The following SUMF1 variants were observed in gnomAD, a reference collection of about 807,000 sequenced individuals.
SUMF1 encodes the protein formylglycine-generating enzyme.
In SUMF1, 48 loss-of-function variants were observed where a neutral mutation model predicts 47.6. The ratio of observed to expected loss-of-function variants is 1.01; its 90% CI spans 0.80 to 1.28. The LOEUF is 1.28. SUMF1 is among the 50% of genes most tolerant of loss of function. The probability of loss-of-function intolerance (pLI) is 0.00; values close to 1 mark genes in which losing one functional copy is unlikely to be tolerated. For synonymous variants in SUMF1, 230 were observed against 192.1 expected, an observed-to-expected ratio of 1.20 and a Z score of -1.63; for missense variants, 571 against 485.4, an observed-to-expected ratio of 1.18 and a Z score of -1.66.
At chr3:4,241,810 C>T (rs1391983491) in intron 8 of SUMF1, among the ~76,000 whole-genome samples, 1 of 152,062 alleles carries the variant, frequency 6.6e-6, no homozygotes, top group Non-Finnish European at 1.5e-5. Context: ...GGACTTCCGG[C>T]CCACAGTGGA....
chr3:4,411,353 AT>A (rs1298617777), intron 6 of SUMF1, among the ~76,000 whole-genome samples: 1 of 152,150 alleles, frequency 6.6e-6, no homozygotes, highest in East Asian at 1.9e-4. Flanking sequence ...TGGACCCAAT[AT>A]GAGTCTTGTC....
chr3:4,249,429 C>T (rs1236251131), intron 8 of SUMF1, among the ~76,000 whole-genome samples: 2 of 152,022 alleles, frequency 1.3e-5, no homozygotes, highest in African/African-American at 2.4e-5. Context: ...GTAATTCTCG[C>T]AATATTTCAA....
chr3:4,462,016 T>G (rs2079827007), intron 1 of SUMF1, among the ~76,000 whole-genome samples: 1 of 152,190 alleles, frequency 6.6e-6, no homozygotes, highest in South Asian at 2.1e-4. Context: ...ACTCTATTAT[T>G]CATTGGAATA....
chr3:4,170,028 A>G (rs1694798267), intron 8 of SUMF1, among the ~76,000 whole-genome samples: 1 of 152,202 alleles, frequency 6.6e-6, no homozygotes, highest in African/African-American at 2.4e-5. Flanking sequence ...TGAGAATGGA[A>G]TACAATAGGG....
chr3:4,101,281 T>C (rs1693026588), intron 8 of SUMF1, among the ~76,000 whole-genome samples: 1 of 152,114 alleles, frequency 6.6e-6, no homozygotes. Flanking sequence ...AAATGTGGTA[T>C]ATACACACAA....
chr3:4,233,616 T>C (rs1314497239), intron 8 of SUMF1, among the ~76,000 whole-genome samples: 4 of 152,092 alleles, frequency 2.6e-5, no homozygotes, highest in Admixed American at 2.6e-4. Flanking sequence ...AAGTATTCAA[T>C]TTAGAAAGGC....
intron 9 of SUMF1, among the ~76,000 whole-genome samples, chr3:4,054,397 C>T (rs190203713): frequency 2.6e-5 from 4 of 152,234 alleles, no homozygotes; most frequent in East Asian, 3.9e-4. Flanking sequence ...AAAATGAAAA[C>T]CTTGCTGACA....
chr3:4,157,497 C>T (rs867345453), intron 8 of SUMF1, among the ~76,000 whole-genome samples: 11 of 151,548 alleles, frequency 7.3e-5, no homozygotes, highest in Middle Eastern at 3.4e-3. Flanking sequence ...CAATAGTTCT[C>T]TTCTTAGTTT....
intron 3 of SUMF1, among the ~76,000 whole-genome samples, chr3:4,420,391 A>G (rs1416812719): frequency 7.8e-6 from 1 of 128,860 alleles, no homozygotes; most frequent in Non-Finnish European, 1.6e-5. Context: ...GTGTATATCT[A>G]TAAGAATTTT....
chr3:4,362,297 C>G (rs1381601612), intron 8 of SUMF1, 43 bp from the exon 9 acceptor site: 1 of 1,544,198 alleles, frequency 6.5e-7, no homozygotes, highest in South Asian at 1.1e-5. Flanking sequence ...CTGGGACTCT[C>G]AGCTGAAGGC....
intron 8 of SUMF1, among the ~76,000 whole-genome samples, chr3:4,095,539 T>C (rs1019705727): frequency 3.9e-5 from 6 of 152,242 alleles, no homozygotes; most frequent in Middle Eastern, 3.4e-3. Context: ...AGGAGAAACA[T>C]TGATGTTTTC....
At chr3:4,439,436 G>A (rs763449671) in intron 3 of SUMF1, among the ~76,000 whole-genome samples, 6 of 152,084 alleles carry the variant, frequency 3.9e-5, no homozygotes, top group Non-Finnish European at 7.4e-5. Flanking sequence ...AGAGGTGGGA[G>A]GATGGCTTGA....
chr3:4,230,074 T>A (rs1463031891), intron 8 of SUMF1, among the ~76,000 whole-genome samples: 1 of 152,092 alleles, frequency 6.6e-6, no homozygotes, highest in Non-Finnish European at 1.5e-5. Context: ...GATAGTTTTT[T>A]TTTTTTAGAT....
At chr3:4,261,578 T>A (rs1429704188) in intron 8 of SUMF1, among the ~76,000 whole-genome samples, 1 of 152,236 alleles carries the variant, frequency 6.6e-6, no homozygotes, top group Non-Finnish European at 1.5e-5. Context: ...CATTTTCTGT[T>A]GGCTTAGGTG....
intron 8 of SUMF1, among the ~76,000 whole-genome samples, chr3:4,242,830 A>G (rs1346807705): frequency 1.3e-5 from 2 of 152,166 alleles, no homozygotes; most frequent in Non-Finnish European, 2.9e-5. Flanking sequence ...ATTGATTGGA[A>G]TAGTTTTCTG....
intron 9 of SUMF1, among the ~76,000 whole-genome samples, chr3:4,067,850 C>G (rs1695413999): frequency 6.6e-6 from 1 of 152,084 alleles, no homozygotes; most frequent in Non-Finnish European, 1.5e-5. Flanking sequence ...TAGGTCATCC[C>G]CCCAGAGCAC....
At chr3:4,088,554 T>C (rs141445446) in intron 8 of SUMF1, among the ~76,000 whole-genome samples, 3 of 152,208 alleles carry the variant, frequency 2.0e-5, no homozygotes, top group East Asian at 1.9e-4. Flanking sequence ...ATTTTGTCTA[T>C]AATATTTATC....
chr3:4,389,342 T>C (rs1012672311), intron 7 of SUMF1, among the ~76,000 whole-genome samples: 12 of 152,116 alleles, frequency 7.9e-5, no homozygotes, highest in African/African-American at 2.9e-4. Context: ...GTTTTTTTTT[T>C]TTTTCCCTAT....
At chr3:4,176,945 C>T (rs1469966098) in intron 8 of SUMF1, among the ~76,000 whole-genome samples, 2 of 152,076 alleles carry the variant, frequency 1.3e-5, no homozygotes, top group African/African-American at 2.4e-5. Context: ...ACAAAGAAGG[C>T]CATTACATAA....
Sources: allele counts gnomAD v4.1 joint callset (sites outside exome capture counted in the v4.1 genomes callset), GRCh38; gene constraint gnomAD v4.1.1; transcripts MANE v1.5; gene names NCBI Gene and HGNC (gene_info 2026-07-23, HGNC 2026-07-21).